The following PALS2 variants were observed in gnomAD, a reference collection of about 807,000 sequenced individuals.
PALS2 encodes protein associated with LIN7 2, MAGUK p55 family member.
In PALS2, 27 loss-of-function variants were observed where a neutral mutation model predicts 61.6. The observed-to-expected ratio is 0.44, with a 90% CI of 0.32 to 0.60. The LOEUF (loss-of-function observed/expected upper bound fraction) is 0.60, where lower values mean the gene tolerates loss of function less well. PALS2 is among the 20% of genes least tolerant of loss of function. The probability of loss-of-function intolerance (pLI) is 0.05; values close to 1 mark genes in which losing one functional copy is unlikely to be tolerated. For synonymous variants in PALS2, 236 were observed against 218.6 expected (o/e 1.08, Z -0.70); for missense variants, 554 against 639.4 (o/e 0.87, Z 1.44).
At chr7:24,685,999 A>T (rs996109724) in intron 11 of PALS2, among the ~76,000 whole-genome samples, 1 of 152,076 alleles carries the variant, frequency 6.6e-6, no homozygotes, top group Non-Finnish European at 1.5e-5. Context: ...TGGATGTCTC[A>T]CAGACATCTT....
chr7:24,655,545 G>A (rs943249998), intron 5 of PALS2, among the ~76,000 whole-genome samples: 1 of 151,048 alleles, frequency 6.6e-6, no homozygotes, highest in Non-Finnish European at 1.5e-5. Flanking sequence ...TAATTGAATC[G>A]ACAAAAGCAG....
At chr7:24,604,237 A>AAT (rs1554300175) in intron 1 of PALS2, among the ~76,000 whole-genome samples, 1 of 150,058 alleles carries the variant, frequency 6.7e-6, no homozygotes, top group East Asian at 1.9e-4. Flanking sequence ...AAAAAAAAAA[A>AAT]GGAAAAAAGA....
Position 24,691,385 on chromosome 7 carries a change from A to ATGTGTGTGTGTGTGTGTGTGTGTGTGTG in PALS2, c.*3774_*3775insGTGTGTGTGTGTGTGTGTGTGTGTGTGT. The ATGTGTGTGTGTGTGTGTGTGTGTGTGTG allele has an allele frequency of 1.8e-5, 1 of 57,006 alleles. No individual in the cohort carries two copies. The highest frequency in any genetic ancestry group is 1.1e-4 in the African/African-American group (1 of 9,166). The allele number at this position is 57,006 out of a possible 1,614,324, so 3.5% of individuals were successfully genotyped here. A position where few individuals can be genotyped will look rare whatever the true frequency, so the allele number is the denominator to read the frequency against. On this transcript the variant is annotated 3_prime_UTR_variant, in exon 12 of 12. Transcript: ENST00000222644. ...TTAAATGTTCGAGTTGCCATATATTATGTATGTGTGTGTGTGTGTGTATAT... is the reference window on the plus strand; with the variant it reads ...TTAAATGTTCGAGTTGCCATATATTATGTGTGTGTGTGTGTGTGTGTGTGTGTGTGTATGTGTGTGTGTGTGTGTATAT...
chr7:24,612,784 A>G (rs557513863), intron 1 of PALS2, among the ~76,000 whole-genome samples: 1 of 151,996 alleles, frequency 6.6e-6, no homozygotes, highest in South Asian at 2.1e-4. Flanking sequence ...ATGCACTTAT[A>G]TCATCTGCAT....
chr7:24,668,617 G>T lies in PALS2; in HGVS notation c.1071G>T (p.Arg357Ser), dbSNP rs780624526. 6 of 1,613,936 alleles carry T rather than the reference G, an allele frequency of 3.7e-6. No individual in the cohort carries two copies. ...QGVGRRSLKN[R>S]FIVLNPTRFG... ...TAGGCCGAAGAAGCTTGAAAAACAG[G>T]TTCATAGTATTGAATCCCACTAGAT... Residue 357 changes from arginine (R) to serine (S), a missense_variant, in exon 9 of 12, where the codon AGG (arginine) becomes AGT (serine). Transcript: ENST00000222644.
intron 8 of PALS2, among the ~76,000 whole-genome samples, chr7:24,667,821 C>A (rs1787107433): frequency 1.3e-5 from 2 of 151,942 alleles, no homozygotes; most frequent in East Asian, 3.9e-4. Context: ...CACACCACCA[C>A]GCCTAGCTAA....
intron 2 of PALS2, among the ~76,000 whole-genome samples, chr7:24,630,380 T>C (rs573144554): frequency 2.0e-5 from 3 of 152,214 alleles, no homozygotes; most frequent in African/African-American, 7.2e-5. Context: ...AAATACCTAA[T>C]GTAGATGATG....
At chr7:24,668,456 A>G (rs1434525979) in intron 8 of PALS2, 43 bp from the exon 9 acceptor site, 1 of 1,540,128 alleles carries the variant, frequency 6.5e-7, no homozygotes, top group Non-Finnish European at 8.9e-7. Context: ...TCTTTCATGT[A>G]TATAAAAGTT....
intron 1 of PALS2, among the ~76,000 whole-genome samples, chr7:24,577,271 C>CTTTTTTTT (rs59851624): frequency 7.6e-6 from 1 of 131,330 alleles, no homozygotes; most frequent in Non-Finnish European, 1.7e-5. Flanking sequence ...TCCTTTTTTC[C>CTTTTTTTT]TTTTTTTTTT....
chr7:24,665,928 G>A, intron 7 of PALS2, 93 bp from the exon 8 acceptor site: 1 of 1,238,170 alleles, frequency 8.1e-7, no homozygotes, highest in Non-Finnish European at 1.2e-6. Flanking sequence ...CCACATTGGG[G>A]AGATAATTCT....
At chr7:24,606,714 A>G (rs2128049912) in intron 1 of PALS2, among the ~76,000 whole-genome samples, 1 of 152,162 alleles carries the variant, frequency 6.6e-6, no homozygotes, top group East Asian at 1.9e-4. Context: ...AAGTTCTAGG[A>G]TTATAGGAAT....
chr7:24,611,848 C>G (rs1455271902), intron 1 of PALS2, among the ~76,000 whole-genome samples: 2 of 151,780 alleles, frequency 1.3e-5, no homozygotes, highest in African/African-American at 4.8e-5. Flanking sequence ...CAAATTGAAT[C>G]TAGCAATATA....
intron 6 of PALS2, among the ~76,000 whole-genome samples, chr7:24,664,233 T>G (rs947380840): frequency 1.3e-5 from 2 of 152,188 alleles, no homozygotes; most frequent in East Asian, 3.8e-4. Context: ...TTGTTTGGTT[T>G]TGGATTAAAA....
intron 1 of PALS2, among the ~76,000 whole-genome samples, chr7:24,585,252 G>T (rs1783015482): frequency 6.6e-6 from 1 of 151,714 alleles, no homozygotes; most frequent in Non-Finnish European, 1.5e-5. Context: ...ATTACCTTGG[G>T]CAGTATGGCC....
At chr7:24,641,602 A>C (rs1457612394) in intron 2 of PALS2, 114 bp from the exon 3 acceptor site, 1 of 898,674 alleles carries the variant, frequency 1.1e-6, no homozygotes, top group East Asian at 2.8e-5. Flanking sequence ...TTTGGTTTAC[A>C]TGAATTAAAT....
intron 1 of PALS2, among the ~76,000 whole-genome samples, chr7:24,595,470 TA>T (rs56214750): frequency 7.3e-6 from 1 of 136,146 alleles, no homozygotes; most frequent in Non-Finnish European, 1.5e-5. Context: ...TAAATATATA[TA>T]AATATGTAAA....
intron 5 of PALS2, among the ~76,000 whole-genome samples, chr7:24,654,644 A>T (rs1481223189): frequency 6.6e-6 from 1 of 152,204 alleles, no homozygotes; most frequent in Non-Finnish European, 1.5e-5. Context: ...CAGGAAGACA[A>T]TATTGTGAAG....
At chr7:24,647,002 T>G (rs1377780019) in intron 3 of PALS2, among the ~76,000 whole-genome samples, 1 of 152,092 alleles carries the variant, frequency 6.6e-6, no homozygotes, top group Non-Finnish European at 1.5e-5. Flanking sequence ...AACATTCCCT[T>G]CATCATTTCT....
intron 2 of PALS2, among the ~76,000 whole-genome samples, chr7:24,637,046 C>G (rs78524635): frequency 0.039 from 5,914 of 152,166 alleles, 154 homozygotes; most frequent in Non-Finnish European, 0.058. Flanking sequence ...TAAAGCCAAG[C>G]TTTTAAAATG....
Sources: gnomAD v4.1 joint callset for allele counts (sites outside exome capture counted in the v4.1 genomes callset) on GRCh38, gnomAD v4.1.1 for gene constraint, MANE v1.5 for transcripts, NCBI Gene and HGNC (gene_info 2026-07-23, HGNC 2026-07-21) for gene names.